The following SHISA5 variants were observed in gnomAD, a reference collection of about 807,000 sequenced individuals.
SHISA5 encodes the protein protein shisa-5.
Under a neutral mutation model 27.5 loss-of-function variants are expected in SHISA5, and 21 were observed. The observed-to-expected ratio is 0.76, with a 90% confidence interval of 0.54 to 1.10. SHISA5 has a LOEUF of 1.10. Ranked by LOEUF, SHISA5 falls within the 50% of genes least tolerant of loss-of-function variation. The pLI, the probability that SHISA5 is intolerant of heterozygous loss-of-function variation, is 0.00. For synonymous variants in SHISA5, 137 were observed against 142.2 expected (o/e 0.96, Z 0.26); for missense variants, 314 against 336.3 (o/e 0.93, Z 0.52).
chr3:48,501,048 C>A, intron 2 of SHISA5, 89 bp downstream of exon 2: 1 of 1,403,732 alleles, frequency 7.1e-7, no homozygotes. Flanking sequence ...GGCTGAGAGG[C>A]CAGAGGGGCA....
chr3:48,504,600 GGCGGT>G (rs1200306154), upstream of SHISA5: 1 of 152,954 alleles, frequency 6.5e-6, no homozygotes, highest in Non-Finnish European at 1.5e-5. This position sits in a 1 kb window ranked among gnomAD's most constrained non-coding sequence, Gnocchi z 4.0. Context: ...GACTAGGTGA[GGCGGT>G]GCGAGGACAG....
intron 2 of SHISA5, among the ~76,000 whole-genome samples, chr3:48,480,958 G>A (rs1289311690): frequency 7.9e-5 from 12 of 151,352 alleles, no homozygotes; most frequent in African/African-American, 2.9e-4. Context: ...AGCCAGGCGT[G>A]GTGGCGGGCA....
Position 48,473,600 on chromosome 3 carries a change from C to G in SHISA5, c.315-3757G>C. ...TCCAATCTGTCTCCCCATGTTCTCC[C>G]GGCCACCCTACTGGGGCCACCATGC... On this transcript the variant is annotated intron_variant, in intron 3 of 5. Coordinates refer to ENST00000296444, the MANE Select transcript of SHISA5 (RefSeq NM_016479.6). This position sits in a 1 kb window ranked among gnomAD's most constrained non-coding sequence, Gnocchi z 4.3. The G allele has an allele frequency of 1.6e-6, 2 of 1,225,822 alleles. No individual in the cohort carries two copies. The highest frequency in any genetic ancestry group is 1.0e-6 in the Non-Finnish European group (1 of 953,958). 75.9% of individuals were successfully genotyped at this position (1,225,822 alleles called of 1,614,324 possible).
In SHISA5 at chr3:48,469,278, G is replaced by A. The variant is rs1235490336; in HGVS notation, c.643+83C>T. ...AGAAAGGGGCAGAGGCCTGTTGAGT[G>A]ATGTAGTTTGGGATGGGTGCCCGAG... On this transcript the variant is annotated intron_variant, in intron 5 of 5. Coordinates refer to ENST00000296444, the MANE Select transcript of SHISA5 (RefSeq NM_016479.6). The surrounding 1 kb of genome is among the most constrained non-coding windows in gnomAD (Gnocchi z 4.6). The A allele has an allele frequency of 1.5e-5, 24 of 1,574,920 alleles. No individual in the cohort carries two copies. Among genetic ancestry groups the A allele is most frequent in the Non-Finnish European group, 2.0e-5 (23 of 1,160,342 alleles).
In SHISA5 at chr3:48,494,389, C is replaced by G. The variant is rs1040414928; in HGVS notation, c.233+6748G>C. 2.8e-5 allele frequency among the ~76,000 whole-genome samples: 4 copies of G among 145,222 alleles called. No individual in the cohort carries two copies. In the South Asian group the frequency reaches 8.5e-4, roughly 31 times the overall value. On this transcript the variant is annotated intron_variant, in intron 2 of 5. Transcript: ENST00000296444. Reference sequence around the variant, plus strand: ...CTCAGCTCACTGCAACCTCCGCCTCCCGAGTTCAAGGGATTCTCCTGCCTC... The same window carrying G: ...CTCAGCTCACTGCAACCTCCGCCTCGCGAGTTCAAGGGATTCTCCTGCCTC...
At position 48,468,709 on chromosome 3, in the gene SHISA5, G is replaced by A. The variant is rs576870006; in HGVS notation, c.*398C>T. ...ACATCTGCATCACACAGAAAGCTGC[G>A]CCACCCTGGTGTGACAGGCCCTACT... is the stretch of plus-strand genomic sequence containing the variant. On this transcript the variant is annotated 3_prime_UTR_variant, in exon 6 of 6. Transcript: ENST00000296444. 36 of 1,282,658 alleles carry A rather than the reference G, an allele frequency of 2.8e-5. No homozygotes were observed. The highest frequency in any genetic ancestry group is 2.0e-4 in the African/African-American group (13 of 65,994). 79.5% of individuals were successfully genotyped at this position (1,282,658 alleles called of 1,614,324 possible).
intron 2 of SHISA5, among the ~76,000 whole-genome samples, chr3:48,488,833 C>CA (rs367782789): frequency 0.034 from 1,623 of 48,324 alleles, 27 homozygotes; most frequent in African/African-American, 0.091. Flanking sequence ...AACTCCGTCT[C>CA]AAAAAAAAAA....
In SHISA5 at chr3:48,504,170, C is replaced by T. The variant is rs2041836755; in HGVS notation, c.-76G>A. ...CCACAGCCTCAGTGATCCGCGCGGC[C>T]GCCCCTCTCCCTCGCCCCGCCCCGC... is the stretch of plus-strand genomic sequence containing the variant. On this transcript the variant is annotated 5_prime_UTR_variant, in exon 1 of 6. Transcript: ENST00000296444. This position sits in a 1 kb window ranked among gnomAD's most constrained non-coding sequence, Gnocchi z 4.0. The T allele has an allele frequency of 7.6e-6, 5 of 662,080 alleles. No individual in the cohort carries two copies. Among genetic ancestry groups the T allele is most frequent in the South Asian group, 1.1e-4 (2 of 17,424 alleles). 41.0% of individuals were successfully genotyped at this position (662,080 alleles called of 1,614,324 possible). A position where few individuals can be genotyped will look rare whatever the true frequency, so the allele number is the denominator to read the frequency against.
intron 2 of SHISA5, among the ~76,000 whole-genome samples, chr3:48,485,393 G>T (rs1316948204): frequency 6.6e-6 from 1 of 151,388 alleles, no homozygotes; most frequent in African/African-American, 2.4e-5. Flanking sequence ...TACTAGGGAG[G>T]CTGAGGCAGG....
Position 48,502,830 on chromosome 3 carries a change from C to A in SHISA5, c.76+1189G>T, listed in dbSNP as rs111549516. On this transcript the variant is annotated intron_variant, in intron 1 of 5. Coordinates refer to ENST00000296444, the MANE Select transcript of SHISA5 (RefSeq NM_016479.6). ...GAAACAGTCTGCCATAGCACGTGGC[C>A]TCTGGAGACCCAGCCAGGCCAGGCA... is the stretch of plus-strand genomic sequence containing the variant. Among the ~76,000 whole-genome samples, 1,057 of 152,336 alleles carry A rather than the reference C, an allele frequency of 6.9e-3. 13 individuals carry two copies. The highest frequency in any genetic ancestry group is 0.024 in the African/African-American group (1,001 of 41,568).
At chr3:48,503,854 G>C in intron 1 of SHISA5, 165 bp downstream of exon 1, 3 of 1,307,232 alleles carry the variant, frequency 2.3e-6, no homozygotes, top group Non-Finnish European at 2.9e-6. Context: ...GTGCTGGGGT[G>C]GAGGAGGGGT....
In SHISA5 at chr3:48,473,244, G is replaced by A; in HGVS notation, c.315-3401C>T. ...TAGCAGCCAAGGAGCCAAGGGGCGG[G>A]GGCCGGGGAGGAGGGGAAGCAGAGG... On this transcript the variant is annotated intron_variant, in intron 3 of 5. Transcript: ENST00000296444. The surrounding 1 kb of genome is among the most constrained non-coding windows in gnomAD (Gnocchi z 4.3). 1.2e-5 allele frequency: 17 copies of A among 1,423,520 alleles called. No individual in the cohort carries two copies. Among genetic ancestry groups the A allele is most frequent in the South Asian group, 1.5e-5 (1 of 67,450 alleles). The allele number at this position is 1,423,520 out of a possible 1,614,324, so 88.2% of individuals were successfully genotyped here. A position where few individuals can be genotyped will look rare whatever the true frequency, so the allele number is the denominator to read the frequency against.
intron 3 of SHISA5, among the ~76,000 whole-genome samples, chr3:48,478,694 G>A (rs570072879): frequency 2.0e-5 from 3 of 152,190 alleles, no homozygotes; most frequent in African/African-American, 7.2e-5. Flanking sequence ...CAGGAACTGT[G>A]GCATCATTGG....
intron 2 of SHISA5, among the ~76,000 whole-genome samples, chr3:48,480,691 G>A (rs900783716): frequency 1.3e-5 from 2 of 151,970 alleles, no homozygotes; most frequent in African/African-American, 2.4e-5. Context: ...CCCAGGAGGC[G>A]GAGGTTGCAG....
intron 2 of SHISA5, among the ~76,000 whole-genome samples, chr3:48,483,981 T>G (rs1374910678): frequency 6.6e-6 from 1 of 152,198 alleles, no homozygotes; most frequent in Non-Finnish European, 1.5e-5. Flanking sequence ...CCTCCCAAAG[T>G]GCTGGGATTA....
At chr3:48,491,790 G>A (rs2041434899) in intron 2 of SHISA5, among the ~76,000 whole-genome samples, 1 of 151,894 alleles carries the variant, frequency 6.6e-6, no homozygotes, top group Non-Finnish European at 1.5e-5. Context: ...TGGGACCACA[G>A]ACGCGCACCA....
chr3:48,481,055 A>G (rs758910014), intron 2 of SHISA5, among the ~76,000 whole-genome samples: 6 of 152,124 alleles, frequency 3.9e-5, no homozygotes, highest in Admixed American at 6.6e-5. Context: ...AGATCACACC[A>G]TTGCAATCCA....
intron 1 of SHISA5, chr3:48,503,210 G>T: frequency 7.8e-7 from 1 of 1,286,800 alleles, no homozygotes; most frequent in Non-Finnish European, 1.0e-6. Context: ...ACACACCGGT[G>T]AGGCTGTTTA....
chr3:48,473,233 C>G lies in SHISA5; in HGVS notation c.315-3390G>C. ...CAGCAGCCGGCTAGCAGCCAAGGAG[C>G]CAAGGGGCGGGGGCCGGGGAGGAGG... On this transcript the variant is annotated intron_variant, in intron 3 of 5. Transcript: ENST00000296444. This position sits in a 1 kb window ranked among gnomAD's most constrained non-coding sequence, Gnocchi z 4.3. The G allele has an allele frequency of 4.2e-6, 6 of 1,427,104 alleles. No homozygotes were observed. Among genetic ancestry groups the G allele is most frequent in the Non-Finnish European group, 5.5e-6 (6 of 1,094,316 alleles). The allele number at this position is 1,427,104 out of a possible 1,614,324, so 88.4% of individuals were successfully genotyped here. A position where few individuals can be genotyped will look rare whatever the true frequency, so the allele number is the denominator to read the frequency against.
Sources: allele counts gnomAD v4.1 joint callset (sites outside exome capture counted in the v4.1 genomes callset), GRCh38; gene constraint gnomAD v4.1.1; non-coding constraint Gnocchi (gnomAD v3.1); transcripts MANE v1.5; gene names NCBI Gene and HGNC (gene_info 2026-07-23, HGNC 2026-07-21).